PHKA1: variants seen among roughly 807,000 people sequenced by gnomAD.
PHKA1 encodes phosphorylase b kinase regulatory subunit alpha, skeletal muscle isoform.
Under a neutral mutation model 110.2 loss-of-function variants are expected in PHKA1, and 60 were observed. That is an observed-to-expected ratio of 0.54 (90% CI 0.44 to 0.68). The LOEUF (loss-of-function observed/expected upper bound fraction) is 0.68. Among genes scored for constraint, PHKA1 ranks in the 30% least tolerant of loss-of-function variants. PHKA1 has a pLI of 0.00. For synonymous variants in PHKA1, 316 were observed against 333.6 expected (o/e 0.95, Z 0.58); for missense variants, 801 against 942.5 (o/e 0.85, Z 1.97).
chrX:72,650,543 C>T (rs2053417336), intron 12 of PHKA1, 75 bp from the exon 13 acceptor site: 1 of 793,851 alleles, frequency 1.3e-6, no homozygotes, highest in Non-Finnish European at 1.9e-6. Flanking sequence ...AACAACATCC[C>T]TATGCCCATA....
chrX:72,594,402 C>G (rs1556231083), intron 28 of PHKA1, among the ~76,000 whole-genome samples: 1 of 110,334 alleles, frequency 9.1e-6, no homozygotes, highest in Admixed American at 9.7e-5. Context: ...ATAGACAAAT[C>G]ATTAGATAGA....
rs1301400973 is a variant in PHKA1 at position 72,682,301 on chromosome X, C to T, written c.537+2197G>A. On this transcript the variant is annotated intron_variant, in intron 5 of 31. Transcript: ENST00000373542. ...GGGAGGGAGGTGGGGGGGGTCAGCC[C>T]CCCTGCCCAGCCAGCCGCCCCGTCC... 3.0e-5 allele frequency among the ~76,000 whole-genome samples: 3 copies of T among 100,190 alleles called. No homozygotes were observed. The East Asian group carries it at 1.1e-3, about 35-fold the overall frequency. 87.0% of individuals were successfully genotyped at this position (100,190 alleles called of 115,157 possible).
intron 10 of PHKA1, 30 bp downstream of exon 10, chrX:72,656,090 C>T: frequency 8.3e-7 from 1 of 1,205,695 alleles, no homozygotes; most frequent in Non-Finnish European, 1.1e-6. Context: ...CAAAAACATT[C>T]TGCTGAAAAC....
chrX:72,611,952 A>G (rs2052816485), intron 21 of PHKA1, among the ~76,000 whole-genome samples: 1 of 111,998 alleles, frequency 8.9e-6, no homozygotes, highest in African/African-American at 3.2e-5. Flanking sequence ...GAATTACCAT[A>G]TAATCCAGCA....
rs1462280480 is a variant in PHKA1 at position 72,705,200 on chromosome X, G to C, written c.283C>G (p.Gln95Glu). The C allele has an allele frequency of 8.5e-7, 1 of 1,178,943 alleles. No individual in the cohort carries two copies. Among genetic ancestry groups the C allele is most frequent in the Admixed American group, 2.2e-5 (1 of 45,738 alleles). Reference protein sequence around the residue: ...MRGLLHCMIRQVDKVESFKYS... With the variant: ...MRGLLHCMIREVDKVESFKYS... ...GGAAGGTGTTATCAATACCATACCT[G>C]TCTGATCATGCAGTGCAGTAGTCCT... Residue 95 changes from glutamine to glutamate, a missense_variant and splice_region_variant, in exon 3 of 32, where the codon CAG becomes GAG. By Grantham distance (29) the Gln-to-Glu change is conservative. Around this residue, in one of 2 missense-constraint regions of PHKA1, gnomAD observed 299 missense variants for 423.3 expected, o/e 0.71. Coordinates refer to ENST00000373542, the MANE Select transcript of PHKA1 (RefSeq NM_002637.4).
chrX:72,590,258 A>G (rs1423074168), intron 29 of PHKA1, among the ~76,000 whole-genome samples: 1 of 111,797 alleles, frequency 8.9e-6, no homozygotes, highest in African/African-American at 3.3e-5. Context: ...GAGAGGCCTC[A>G]GAAATAACAC....
intron 29 of PHKA1, among the ~76,000 whole-genome samples, chrX:72,586,469 G>T (rs1469023800): frequency 8.9e-6 from 1 of 111,813 alleles, no homozygotes; most frequent in Non-Finnish European, 1.9e-5. Context: ...CATAAAGATG[G>T]GGAGAAACCA....
intron 6 of PHKA1, among the ~76,000 whole-genome samples, chrX:72,671,192 G>A (rs1161172301): frequency 7.2e-5 from 8 of 110,953 alleles, no homozygotes; most frequent in African/African-American, 2.3e-4. Flanking sequence ...AAACCCCATT[G>A]TCTCAGCCCA....
intron 6 of PHKA1, among the ~76,000 whole-genome samples, chrX:72,670,926 G>C (rs1229637871): frequency 2.0e-4 from 22 of 111,477 alleles, no homozygotes; most frequent in Non-Finnish European, 1.1e-4. Flanking sequence ...GGTATCGATG[G>C]GACGTATCTC....
At chrX:72,656,855 G>C (rs782691451) in intron 9 of PHKA1, among the ~76,000 whole-genome samples, 2 of 111,997 alleles carry the variant, frequency 1.8e-5, no homozygotes, top group African/African-American at 6.5e-5. Context: ...GGTCATTTAA[G>C]AGCTTATGAT....
chrX:72,593,441 A>T (rs1556229290), intron 28 of PHKA1, 167 bp from the exon 29 acceptor site: 1 of 429,547 alleles, frequency 2.3e-6, no homozygotes, highest in East Asian at 4.2e-5. Flanking sequence ...TCCCGGGTTC[A>T]TGCCATTCTC....
intron 22 of PHKA1, 124 bp downstream of exon 22, chrX:72,610,904 T>A (rs1285568154): frequency 2.0e-6 from 1 of 496,339 alleles, no homozygotes; most frequent in African/African-American, 2.4e-5. Flanking sequence ...GAATATCAAA[T>A]TTTATGTGGA....
At chrX:72,710,042 CA>C (rs374071163) in intron 2 of PHKA1, among the ~76,000 whole-genome samples, 206 of 19,237 alleles carry the variant, frequency 0.011, 1 homozygote, top group East Asian at 0.04. Flanking sequence ...ACTTAGTCTT[CA>C]AAAAAAAAAA....
chrX:72,650,489 G>C (rs782325549), intron 12 of PHKA1, 21 bp from the exon 13 acceptor site: 3 of 1,140,647 alleles, frequency 2.6e-6, no homozygotes. Flanking sequence ...ACCATAAAAA[G>C]ACAGATTATT....
Position 72,620,850 on chromosome X carries a change from G to T in PHKA1, c.2012C>A (p.Thr671Asn). ...AGGGGCTAGTTTAGGATGGGGAGCA[G>T]TGTGCGCCAAAAGGTGATCTAAATA... ...ARYLDHLLAH[T>N]APHPKLAPTS... Residue 671 changes from threonine (T) to asparagine (N), a missense_variant, in exon 19 of 32, where the codon ACT (threonine) becomes AAT (asparagine). Physicochemically the swap from Thr to Asn is moderately conservative, Grantham distance 65. Transcript: ENST00000373542. 8.3e-7 allele frequency: 1 copy of T among 1,211,101 alleles called. No individual in the cohort carries two copies. The highest frequency in any genetic ancestry group is 1.1e-6 in the Non-Finnish European group (1 of 895,284).
intron 29 of PHKA1, among the ~76,000 whole-genome samples, chrX:72,589,317 C>G (rs1333891937): frequency 9.0e-6 from 1 of 111,655 alleles, no homozygotes; most frequent in Non-Finnish European, 1.9e-5. Flanking sequence ...ACAGAACCAT[C>G]GACAAAAACC....
At chrX:72,591,774 C>G (rs2147657812) in intron 29 of PHKA1, among the ~76,000 whole-genome samples, 1 of 111,977 alleles carries the variant, frequency 8.9e-6, no homozygotes, top group East Asian at 2.8e-4. Flanking sequence ...ATTTTAATTA[C>G]TGTACACTGC....
At chrX:72,679,828 T>C (rs2053823373) in intron 5 of PHKA1, among the ~76,000 whole-genome samples, 1 of 110,451 alleles carries the variant, frequency 9.1e-6, no homozygotes, top group Non-Finnish European at 1.9e-5. Flanking sequence ...ACACATGTTA[T>C]TGAATACTCG....
intron 21 of PHKA1, among the ~76,000 whole-genome samples, chrX:72,617,004 T>C (rs782797829): frequency 1.8e-5 from 2 of 111,916 alleles, no homozygotes; most frequent in South Asian, 3.7e-4. Context: ...GAAAATGCTA[T>C]TCTAAGAGAG....
Sources: allele counts gnomAD v4.1 joint callset (sites outside exome capture counted in the v4.1 genomes callset), GRCh38; gene constraint gnomAD v4.1.1; regional missense constraint gnomAD v4.1.1; transcripts MANE v1.5; gene names NCBI Gene and HGNC (gene_info 2026-07-23, HGNC 2026-07-21).